The following RBAK variants were observed in gnomAD, a reference collection of about 807,000 sequenced individuals.
RBAK encodes the protein RB-associated KRAB zinc finger protein.
In RBAK, 39 loss-of-function variants were observed where a neutral mutation model predicts 65.8. That is an observed-to-expected ratio of 0.59 (90% CI 0.46 to 0.77). The LOEUF (loss-of-function observed/expected upper bound fraction) is 0.77, where lower values mean the gene tolerates loss of function less well. RBAK is among the 30% of genes least tolerant of loss of function. The pLI is 0.00. For synonymous variants in RBAK, 343 were observed against 289.7 expected (o/e 1.18, Z -1.87); for missense variants, 884 against 855.1 (o/e 1.03, Z -0.42).
At position 5,057,359 on chromosome 7, in the gene RBAK, C is replaced by G; in HGVS notation, c.80C>G (p.Pro27Arg). ...CAGGAGGAGTGGCAGCAGCTGGACC[C>G]TGATGAGAAGATAACTTACAGGGAT... ...FTQEEWQQLD[P>R]DEKITYRDVM... Residue 27 changes from proline to arginine, a missense_variant, in exon 3 of 5, where the codon CCT (proline) becomes CGT (arginine). Transcript: ENST00000396912. The G allele has an allele frequency of 6.2e-7, 1 of 1,613,992 alleles. No homozygotes were observed. The highest frequency in any genetic ancestry group is 1.1e-5 in the South Asian group (1 of 91,084).
intron 1 of RBAK, among the ~76,000 whole-genome samples, chr7:5,047,394 G>C (rs113911918): frequency 0.038 from 5,840 of 152,112 alleles, 412 homozygotes; most frequent in African/African-American, 0.13. Context: ...TTGAGACCCT[G>C]TCTCAACAAA....
At chr7:5,049,179 C>G (rs1788061265) in intron 2 of RBAK, among the ~76,000 whole-genome samples, 1 of 151,950 alleles carries the variant, frequency 6.6e-6, no homozygotes, top group African/African-American at 2.4e-5. Flanking sequence ...TTCCTAATAA[C>G]AACCATTAAG....
rs1426318831 is a variant in RBAK, at chr7:5,066,705, A to T, written c.*1104A>T. 1 of 152,122 alleles carries T rather than the reference A, an allele frequency of 6.6e-6. No homozygotes were observed. Among genetic ancestry groups the T allele is most frequent in the Non-Finnish European group, 1.5e-5 (1 of 67,984 alleles). The allele number at this position is 152,122 out of a possible 1,614,324, so 9.4% of individuals were successfully genotyped here. ...TCAATTAACTTAATGTCCTCGCTCCATTTCTTGCTGGAACAGTTTAGGTAC... is the reference window on the plus strand; with the variant it reads ...TCAATTAACTTAATGTCCTCGCTCCTTTTCTTGCTGGAACAGTTTAGGTAC... On this transcript the variant is annotated 3_prime_UTR_variant, in exon 5 of 5. Transcript: ENST00000396912.
rs1403327941 is a variant in RBAK, at chr7:5,069,387, T to C, written c.*3786T>C. 1 of 152,220 alleles carries C rather than the reference T, an allele frequency of 6.6e-6. No homozygotes were observed. Among genetic ancestry groups the C allele is most frequent in the Non-Finnish European group, 1.5e-5 (1 of 68,040 alleles). The allele number at this position is 152,220 out of a possible 1,614,324, so 9.4% of individuals were successfully genotyped here. A position where few individuals can be genotyped will look rare whatever the true frequency, so the allele number is the denominator to read the frequency against. On this transcript the variant is annotated 3_prime_UTR_variant, in exon 5 of 5. Transcript: ENST00000396912. Reference sequence around the variant, plus strand: ...TGAAATATTTGAGAAGGTTAAAGAATCATTACATACTTTGTCATCCTATAC... The same window carrying C: ...TGAAATATTTGAGAAGGTTAAAGAACCATTACATACTTTGTCATCCTATAC...
chr7:5,064,110 T>C lies in RBAK; in HGVS notation c.654T>C (p.Ala218=). The C allele has an allele frequency of 6.2e-7, 1 of 1,613,998 alleles. No homozygotes were observed. The highest frequency in any genetic ancestry group is 8.5e-7 in the Non-Finnish European group (1 of 1,180,014). ...NECMEALDNE[A]VFIAHKRAYI... is the part of the protein sequence containing the mutation. ...GCATGGAAGCCTTAGACAATGAGGC[T>C]GTTTTTATTGCTCATAAGAGAGCTT... Residue 218 remains alanine (A), a synonymous_variant, in exon 5 of 5, where the codon GCT becomes GCC. Coordinates refer to ENST00000396912, the MANE Select transcript of RBAK (RefSeq NM_021163.4). This position sits in a 1 kb window ranked among gnomAD's most constrained non-coding sequence, Gnocchi z 6.3.
In RBAK at chr7:5,063,786, G is replaced by T. The variant is rs1779140906; in HGVS notation, c.330G>T (p.Leu110=). 3.1e-6 allele frequency: 5 copies of T among 1,613,914 alleles called. No homozygotes were observed. Among genetic ancestry groups the T allele is most frequent in the South Asian group, 1.1e-5 (1 of 91,050 alleles). ...RQAACINSKT[L]TEEKENTFSQ... Reference sequence around the variant, plus strand: ...CTGCTTGTATCAATAGCAAAACCCTGACTGAAGAGAAAGAGAATACATTTA... The same window carrying T: ...CTGCTTGTATCAATAGCAAAACCCTTACTGAAGAGAAAGAGAATACATTTA... The change falls in exon 5 of 5, where the codon CTG becomes CTT. Residue 110 remains leucine (L), a synonymous_variant. Transcript: ENST00000396912.
At chr7:5,049,343 G>A (rs1788065049) in intron 2 of RBAK, among the ~76,000 whole-genome samples, 1 of 152,168 alleles carries the variant, frequency 6.6e-6, no homozygotes. Context: ...CCTAGATCAT[G>A]GGGGGAATGA....
intron 2 of RBAK, among the ~76,000 whole-genome samples, chr7:5,051,828 A>C (rs956339386): frequency 6.6e-6 from 1 of 152,178 alleles, no homozygotes; most frequent in Non-Finnish European, 1.5e-5. Context: ...CTGTCTTGGG[A>C]AACTTCTGTG....
In RBAK at chr7:5,065,375, T is replaced by C; in HGVS notation, c.1919T>C (p.Val640Ala). ...KVFSRMSNLT[V>A]HYRSHSGEKP... Reference sequence around the variant, plus strand: ...TTCTCTCGGATGTCAAACCTCACTGTCCACTACAGAAGCCATTCAGGAGAG... The same window carrying C: ...TTCTCTCGGATGTCAAACCTCACTGCCCACTACAGAAGCCATTCAGGAGAG... Residue 640 changes from valine to alanine, a missense_variant, in exon 5 of 5, where the codon GTC becomes GCC. By Grantham distance (64) the Val-to-Ala change is moderately conservative. Coordinates refer to ENST00000396912, the MANE Select transcript of RBAK (RefSeq NM_021163.4). The surrounding 1 kb of genome is among the most constrained non-coding windows in gnomAD (Gnocchi z 5.3). The C allele has an allele frequency of 1.2e-6, 2 of 1,613,344 alleles. No homozygotes were observed. The highest frequency in any genetic ancestry group is 1.7e-6 in the Non-Finnish European group (2 of 1,179,694).
rs139036876 is a variant in RBAK at position 5,064,378 on chromosome 7, C to T, written c.922C>T (p.Arg308Trp). Reference sequence around the variant, plus strand: ...CCAAAAGGGAACCCTCACTGTACATCGGAGATCACACTTAGAGGAGAAGCC... The same window carrying T: ...CCAAAAGGGAACCCTCACTGTACATTGGAGATCACACTTAGAGGAGAAGCC... ...FSQKGTLTVHRRSHLEEKPYK... is the reference protein window; with the variant it reads ...FSQKGTLTVHWRSHLEEKPYK... The change falls in exon 5 of 5, where the codon CGG (arginine) becomes TGG (tryptophan). Residue 308 changes from arginine to tryptophan, a missense_variant. By Grantham distance (101) the Arg-to-Trp change is moderately radical. Transcript: ENST00000396912. The surrounding 1 kb of genome is among the most constrained non-coding windows in gnomAD (Gnocchi z 6.3). 59 of 1,613,832 alleles carry T rather than the reference C, an allele frequency of 3.7e-5. No individual in the cohort carries two copies. In the African/African-American group the frequency reaches 5.5e-4, roughly 15 times the overall value.
intron 1 of RBAK, among the ~76,000 whole-genome samples, chr7:5,047,599 CTCTT>C (rs1788018881): frequency 1.4e-5 from 2 of 138,092 alleles, no homozygotes; most frequent in Non-Finnish European, 3.1e-5. Context: ...CTTTTTCACT[CTCTT>C]TTTTTTTTTT....
chr7:5,063,479 G>C (rs1249399736), intron 4 of RBAK, among the ~76,000 whole-genome samples: 1 of 87,604 alleles, frequency 1.1e-5, no homozygotes, highest in African/African-American at 4.6e-5. Flanking sequence ...TTCTTTCACT[G>C]TGTGTGTGTG....
Position 5,065,619 on chromosome 7 carries a change from T to TA in RBAK, c.*19dup. On this transcript the variant is annotated 3_prime_UTR_variant, in exon 5 of 5. Transcript: ENST00000396912. The surrounding 1 kb of genome is among the most constrained non-coding windows in gnomAD (Gnocchi z 5.3). The stretch of plus-strand genomic sequence containing the variant: ...ATCTCTGAAGTCAGATCTCAATTTT[T>TA]AGAAAACTCTCTGAATATAATGAAT... The TA allele has an allele frequency of 6.8e-7, 1 of 1,464,606 alleles. No individual in the cohort carries two copies. Among genetic ancestry groups the TA allele is most frequent in the South Asian group, 1.5e-5 (1 of 68,276 alleles). 90.7% of individuals were successfully genotyped at this position (1,464,606 alleles called of 1,614,324 possible).
At position 5,047,900 on chromosome 7, in the gene RBAK, C is replaced by T. The variant is rs547817935; in HGVS notation, c.-44-133C>T. ...CCCTGTATCACTCTTTTAGGCCCTT[C>T]TGAGTGTTTGCAGGCTGAGTGTTCA... is the stretch of plus-strand genomic sequence containing the variant. On this transcript the variant is annotated intron_variant, in intron 1 of 4. Coordinates refer to ENST00000396912, the MANE Select transcript of RBAK (RefSeq NM_021163.4). 173 of 525,430 alleles carry T rather than the reference C, an allele frequency of 3.3e-4. 2 individuals carry two copies. The South Asian group carries it at 4.5e-3, about 14-fold the overall frequency. The allele number at this position is 525,430 out of a possible 1,614,324, so 32.5% of individuals were successfully genotyped here. A position where few individuals can be genotyped will look rare whatever the true frequency, so the allele number is the denominator to read the frequency against.
At position 5,057,827 on chromosome 7, in the gene RBAK, T is replaced by C. The variant is rs746292807; in HGVS notation, c.238+48T>C. On this transcript the variant is annotated intron_variant, in intron 4 of 4. Transcript: ENST00000396912. ...GTTAAAAAATGCTCATCCCAGACCT[T>C]TGGGAGAGACTAAAGAGTTGTTTAT... 7 of 1,604,738 alleles carry C rather than the reference T, an allele frequency of 4.4e-6. No homozygotes were observed. The South Asian group carries it at 6.6e-5, about 15-fold the overall frequency.
In RBAK at chr7:5,066,417, A is replaced by G. The variant is rs1446823373; in HGVS notation, c.*816A>G. On this transcript the variant is annotated 3_prime_UTR_variant, in exon 5 of 5. Transcript: ENST00000396912. ...AAAAGACTATTTTGATAAACTATAC[A>G]TACATAATTTGGAATTGTTTAAGTC... 6.6e-6 allele frequency: 1 copy of G among 151,326 alleles called. No individual in the cohort carries two copies. Among genetic ancestry groups the G allele is most frequent in the African/African-American group, 2.4e-5 (1 of 40,962 alleles). The allele number at this position is 151,326 out of a possible 1,614,324, so 9.4% of individuals were successfully genotyped here.
At position 5,062,222 on chromosome 7, in the gene RBAK, G is replaced by T. The variant is rs370144764; in HGVS notation, c.239-1473G>T. On this transcript the variant is annotated intron_variant, in intron 4 of 4. Transcript: ENST00000396912. Reference sequence around the variant, plus strand: ...GTTTTTGTTCCTCCTGATCCCATTTGTATCGGGGAACCTGCCCCGATAGTC... The same window carrying T: ...GTTTTTGTTCCTCCTGATCCCATTTTTATCGGGGAACCTGCCCCGATAGTC... Among the ~76,000 whole-genome samples the T allele has an allele frequency of 8.1e-4, 123 of 152,240 alleles. 2 individuals carry two copies. Among genetic ancestry groups the T allele is most frequent in the Middle Eastern group, 3.4e-3 (1 of 294 alleles).
At chr7:5,052,301 A>T (rs1217445824) in intron 2 of RBAK, among the ~76,000 whole-genome samples, 1 of 152,220 alleles carries the variant, frequency 6.6e-6, no homozygotes, top group East Asian at 1.9e-4. Context: ...TGTTTTCATC[A>T]GTCTATTTCT....
chr7:5,054,885 A>T (rs1788191521), intron 2 of RBAK, among the ~76,000 whole-genome samples: 1 of 152,150 alleles, frequency 6.6e-6, no homozygotes, highest in Admixed American at 6.5e-5. Context: ...AAAGTAATTT[A>T]GGGTAACTGA....
Sources: gnomAD v4.1 joint callset for allele counts (sites outside exome capture counted in the v4.1 genomes callset) on GRCh38, gnomAD v4.1.1 for gene constraint, Gnocchi (gnomAD v3.1) non-coding constraint, MANE v1.5 for transcripts, NCBI Gene and HGNC (gene_info 2026-07-23, HGNC 2026-07-21) for gene names.